Variants in MAST2 observed in about 807,000 individuals in gnomAD.
The protein encoded by MAST2 is microtubule-associated serine/threonine-protein kinase 2.
A neutral mutation model predicts 147.4 loss-of-function variants in MAST2; 70 were observed. The ratio of observed to expected loss-of-function variants is 0.47; its 90% CI spans 0.39 to 0.58. MAST2 has a LOEUF of 0.58. Ranked by LOEUF, MAST2 falls within the 20% of genes least tolerant of loss-of-function variation. The pLI, the probability that MAST2 is intolerant of heterozygous loss-of-function variation, is 0.00. For synonymous variants in MAST2, 869 were observed against 896.8 expected, an observed-to-expected ratio of 0.97 and a Z score of 0.55; for missense variants, 2,080 against 2,302.3, an observed-to-expected ratio of 0.90 and a Z score of 1.98.
At chr1:45,866,980 A>G (rs573917811) in intron 3 of MAST2, among the ~76,000 whole-genome samples, 1 of 151,980 alleles carries the variant, frequency 6.6e-6, no homozygotes, top group East Asian at 1.9e-4. Flanking sequence ...CAAACTCCTG[A>G]CCTCAGGTGA....
At chr1:45,908,032 G>A (rs1651063283) in intron 4 of MAST2, among the ~76,000 whole-genome samples, 1 of 151,762 alleles carries the variant, frequency 6.6e-6, no homozygotes, top group African/African-American at 2.4e-5. Flanking sequence ...GATGATTTAT[G>A]TTTTCTCTCC....
chr1:45,930,473 A>G (rs1655115796), intron 4 of MAST2, among the ~76,000 whole-genome samples: 2 of 151,872 alleles, frequency 1.3e-5, no homozygotes, highest in Admixed American at 6.6e-5. Flanking sequence ...GGAAATTGAG[A>G]TAGATGCATT....
chr1:45,864,489 C>T (rs1344129208), intron 3 of MAST2, among the ~76,000 whole-genome samples: 2 of 152,170 alleles, frequency 1.3e-5, no homozygotes, highest in African/African-American at 4.8e-5. Context: ...AAGAATCTGA[C>T]ATTTGCTTTG....
intron 4 of MAST2, among the ~76,000 whole-genome samples, chr1:45,933,062 T>TAAA (rs1241852291): frequency 1.7e-5 from 1 of 59,636 alleles, no homozygotes; most frequent in East Asian, 9.2e-4. Flanking sequence ...CCCCATTTCT[T>TAAA]TAAAAAAAAA....
intron 4 of MAST2, among the ~76,000 whole-genome samples, chr1:45,899,400 AC>A (rs1357153343): frequency 6.9e-6 from 1 of 144,984 alleles, no homozygotes; most frequent in Non-Finnish European, 1.5e-5. Context: ...CTTCTAGTGA[AC>A]CCATCAGCCA....
chr1:45,982,419 T>G lies in MAST2; in HGVS notation c.593-15305T>G, dbSNP rs185380240. Among the ~76,000 whole-genome samples, 478 of 152,172 alleles carry G rather than the reference T, an allele frequency of 3.1e-3. 3 individuals are homozygous for G. Among genetic ancestry groups the G allele is most frequent in the African/African-American group, 0.011 (460 of 41,528 alleles). On this transcript the variant is annotated intron_variant, in intron 5 of 28. Transcript: ENST00000361297. ...AAAGACAAACCACATTATTAGAAGG[T>G]TGAGATAGAGGCCGGGAGATTGAGT...
At chr1:45,899,650 A>G (rs962912828) in intron 4 of MAST2, among the ~76,000 whole-genome samples, 2 of 152,096 alleles carry the variant, frequency 1.3e-5, no homozygotes, top group Non-Finnish European at 2.9e-5. Context: ...CATTCTATTT[A>G]TGGCTGCATA....
At chr1:46,000,604 T>C (rs1324313977) in intron 6 of MAST2, among the ~76,000 whole-genome samples, 1 of 152,178 alleles carries the variant, frequency 6.6e-6, no homozygotes, top group Non-Finnish European at 1.5e-5. Flanking sequence ...TTGAGTCATG[T>C]GCATGGAACA....
At chr1:45,836,289 G>T (rs1356484874) in intron 3 of MAST2, among the ~76,000 whole-genome samples, 1 of 152,054 alleles carries the variant, frequency 6.6e-6, no homozygotes, top group African/African-American at 2.4e-5. Context: ...CCATCATAGT[G>T]GGTGTCAAGT....
At chr1:45,949,936 G>T (rs900207493) in intron 4 of MAST2, among the ~76,000 whole-genome samples, 5 of 152,128 alleles carry the variant, frequency 3.3e-5, no homozygotes, top group African/African-American at 1.2e-4. Flanking sequence ...GGAGCTGGAG[G>T]CTACGATCCT....
intron 4 of MAST2, among the ~76,000 whole-genome samples, chr1:45,928,465 T>G (rs1654753661): frequency 6.6e-6 from 1 of 152,228 alleles, no homozygotes; most frequent in South Asian, 2.1e-4. Flanking sequence ...ATTTAGTGTC[T>G]AAACTAGGAA....
At chr1:45,810,062 T>C (rs1644246339) in intron 1 of MAST2, among the ~76,000 whole-genome samples, 1 of 152,262 alleles carries the variant, frequency 6.6e-6, no homozygotes, top group Non-Finnish European at 1.5e-5. Context: ...GTAAGAACTA[T>C]GTCATCATTT....
chr1:46,033,801 G>A lies in MAST2; in HGVS notation c.3538-1G>A. ...CCTAGGCCTCATGCTCTGCTCCCCA[G>A]AGTGGAAACAAGGTGGCCATTTCAA... On this transcript the variant is annotated splice_acceptor_variant, in intron 26 of 28. Transcript: ENST00000361297. LOFTEE classifies it high-confidence loss of function. 6.2e-6 allele frequency: 10 copies of A among 1,614,136 alleles called. No individual in the cohort carries two copies. The highest frequency in any genetic ancestry group is 8.5e-6 in the Non-Finnish European group (10 of 1,179,980).
chr1:45,975,667 A>G (rs1644118771), intron 5 of MAST2, among the ~76,000 whole-genome samples: 1 of 143,824 alleles, frequency 7.0e-6, no homozygotes, highest in Non-Finnish European at 1.5e-5. Context: ...ACAGAGCAAG[A>G]CTCTGTCTCA....
intron 1 of MAST2, among the ~76,000 whole-genome samples, chr1:45,810,223 A>G (rs1405980385): frequency 6.6e-6 from 1 of 152,228 alleles, no homozygotes; most frequent in Non-Finnish European, 1.5e-5. Context: ...AGGAAATAGA[A>G]TATTTTTGAG....
chr1:45,891,671 A>G (rs969378262), intron 4 of MAST2, among the ~76,000 whole-genome samples: 1 of 151,488 alleles, frequency 6.6e-6, no homozygotes, highest in African/African-American at 2.4e-5. Context: ...TTTTTTTTAT[A>G]ATCTCCTACC....
chr1:45,902,877 G>A (rs1247711683), intron 4 of MAST2, among the ~76,000 whole-genome samples: 5 of 151,456 alleles, frequency 3.3e-5, no homozygotes, highest in African/African-American at 9.7e-5. Flanking sequence ...CTCTTTTCTT[G>A]GTTAATCTAC....
Position 45,975,493 on chromosome 1 carries a change from TCCAAAAAAAAAAAA to T in MAST2, c.592+16017_592+16030del, listed in dbSNP as rs1473724742. On this transcript the variant is annotated intron_variant, in intron 5 of 28. Coordinates refer to ENST00000361297, the MANE Select transcript of MAST2 (RefSeq NM_015112.3). ...AGGCAATATAGTGAGTCCCTGTCTC[TCCAAAAAAAAAAAA>T]AAAAAAAAAAAAAAGCCAGGTGTGG... 1.0e-4 allele frequency among the ~76,000 whole-genome samples: 6 copies of T among 57,596 alleles called. No homozygotes were observed. In the East Asian group the frequency reaches 1.7e-3, roughly 16 times the overall value. 37.8% of individuals were successfully genotyped at this position (57,596 alleles called of 152,430 possible).
chr1:45,966,721 CAGAAAA>C (rs1661268107), intron 5 of MAST2, among the ~76,000 whole-genome samples: 1 of 152,038 alleles, frequency 6.6e-6, no homozygotes, highest in Non-Finnish European at 1.5e-5. Context: ...GACTCTGTCT[CAGAAAA>C]AGAAAAAGAA....
Sources: gnomAD v4.1 joint callset for allele counts (sites outside exome capture counted in the v4.1 genomes callset) on GRCh38, gnomAD v4.1.1 for gene constraint, MANE v1.5 for transcripts, NCBI Gene and HGNC (gene_info 2026-07-23, HGNC 2026-07-21) for gene names.